Variants in ABTB3 observed in about 807,000 individuals in gnomAD.
ABTB3 encodes ankyrin repeat- and BTB/POZ domain-containing protein 3.
At chr12:107,620,977 G>A in the ABTB3 span, among the ~76,000 whole-genome samples, 1 of 152,168 alleles carries the variant, frequency 6.6e-6, no homozygotes, top group Non-Finnish European at 1.5e-5. Context: ...GAAGTCTCAG[G>A]GGAAATTGGC....
the ABTB3 span, among the ~76,000 whole-genome samples, chr12:107,647,734 C>T: frequency 1.3e-5 from 2 of 152,174 alleles, no homozygotes; most frequent in Admixed American, 1.3e-4. Flanking sequence ...CCCTGCTAGG[C>T]CTGTTCTATG....
chr12:107,644,082 G>A, the ABTB3 span, among the ~76,000 whole-genome samples: 60,885 of 151,914 alleles, frequency 0.4, 12,868 homozygotes, highest in African/African-American at 0.47. Flanking sequence ...CTCCATTTTT[G>A]TAGATGAAGA....
the ABTB3 span, among the ~76,000 whole-genome samples, chr12:107,394,429 A>G: frequency 7.2e-5 from 11 of 152,196 alleles, no homozygotes; most frequent in Non-Finnish European, 1.3e-4. Context: ...GTCCATTCTG[A>G]TCTTGGCTTC....
the ABTB3 span, among the ~76,000 whole-genome samples, chr12:107,461,959 T>C: frequency 2.0e-5 from 3 of 152,072 alleles, no homozygotes; most frequent in Non-Finnish European, 2.9e-5. Flanking sequence ...TGATTTTGCA[T>C]TGTGGGTTGG....
At chr12:107,562,083 C>T in the ABTB3 span, among the ~76,000 whole-genome samples, 1 of 152,210 alleles carries the variant, frequency 6.6e-6, no homozygotes, top group Non-Finnish European at 1.5e-5. Context: ...GGGACCTCTG[C>T]AGTATCACCA....
chr12:107,496,051 C>T, the ABTB3 span, among the ~76,000 whole-genome samples: 1 of 152,180 alleles, frequency 6.6e-6, no homozygotes. Context: ...GCCATTATTA[C>T]TATCGCTATC....
At chr12:107,332,519 C>T in the ABTB3 span, among the ~76,000 whole-genome samples, 5 of 152,218 alleles carry the variant, frequency 3.3e-5, no homozygotes, top group East Asian at 1.9e-4. Context: ...TCCTAACCAC[C>T]GTGCCTTGAG....
the ABTB3 span, among the ~76,000 whole-genome samples, chr12:107,472,838 G>C: frequency 6.6e-6 from 1 of 152,156 alleles, no homozygotes; most frequent in African/African-American, 2.4e-5. Flanking sequence ...GTCCCATAAG[G>C]TTTAGCCAAC....
the ABTB3 span, chr12:107,520,303 C>G: frequency 1.0e-6 from 1 of 981,114 alleles, no homozygotes; most frequent in African/African-American, 1.7e-5. Context: ...TTGAAGAGAC[C>G]TTTGCAAATA....
At chr12:107,322,715 A>ACCCTTTGAAAAGGTACTACACTATTATC in the ABTB3 span, among the ~76,000 whole-genome samples, 1 of 151,694 alleles carries the variant, frequency 6.6e-6, no homozygotes, top group Admixed American at 6.6e-5. Context: ...GATCCCCAGT[A>ACCCTTTGAAAAGGTACTACACTATTATC]CCCATTATAT....
At chr12:107,452,202 A>ATTTTTTTT in the ABTB3 span, among the ~76,000 whole-genome samples, 5 of 110,208 alleles carry the variant, frequency 4.5e-5, no homozygotes, top group Admixed American at 1.2e-4. Context: ...GCCCATATGA[A>ATTTTTTTT]TTTTTTTTTT....
At chr12:107,331,029 G>T in the ABTB3 span, among the ~76,000 whole-genome samples, 1 of 152,194 alleles carries the variant, frequency 6.6e-6, no homozygotes, top group East Asian at 1.9e-4. Flanking sequence ...GGTTGAGGCT[G>T]CATGGATTAA....
At chr12:107,649,450 A>T in the ABTB3 span, 1 of 619,554 alleles carries the variant, frequency 1.6e-6, no homozygotes, top group Non-Finnish European at 2.9e-6. Context: ...CCAAACAGGA[A>T]GGGCTTCTCA....
At chr12:107,545,384 C>T in the ABTB3 span, among the ~76,000 whole-genome samples, 2 of 152,070 alleles carry the variant, frequency 1.3e-5, no homozygotes, top group Non-Finnish European at 2.9e-5. Context: ...GCTGGGACTA[C>T]AGTCATGCCC....
chr12:107,473,862 C>T, the ABTB3 span, among the ~76,000 whole-genome samples: 1 of 149,888 alleles, frequency 6.7e-6, no homozygotes, highest in Non-Finnish European at 1.5e-5. Context: ...AGTGCAGTGG[C>T]GTGATCTCAG....
the ABTB3 span, among the ~76,000 whole-genome samples, chr12:107,524,143 T>G: frequency 1.3e-5 from 2 of 152,376 alleles, no homozygotes; most frequent in Admixed American, 1.3e-4. Context: ...CCTCATTGAA[T>G]GTTGACTTTT....
At chr12:107,397,211 C>T in the ABTB3 span, among the ~76,000 whole-genome samples, 1 of 152,132 alleles carries the variant, frequency 6.6e-6, no homozygotes, top group South Asian at 2.1e-4. Flanking sequence ...CCAAACAGGC[C>T]GTTTGCACTG....
At chr12:107,500,618 C>T in the ABTB3 span, among the ~76,000 whole-genome samples, 1 of 152,326 alleles carries the variant, frequency 6.6e-6, no homozygotes, top group South Asian at 2.1e-4. Flanking sequence ...CCAGAGTTTC[C>T]TCCCTGCCCT....
At chr12:107,533,457 A>T in the ABTB3 span, among the ~76,000 whole-genome samples, 1 of 152,232 alleles carries the variant, frequency 6.6e-6, no homozygotes, top group African/African-American at 2.4e-5. Context: ...AGAAACCAAA[A>T]GCATACAACA....
Sources: allele counts gnomAD v4.1 joint callset (sites outside exome capture counted in the v4.1 genomes callset), GRCh38; gene constraint gnomAD v4.1.1; transcripts MANE v1.5; gene names NCBI Gene and HGNC (gene_info 2026-07-23, HGNC 2026-07-21).